CEP63: variants seen among roughly 807,000 people sequenced by gnomAD.
The protein encoded by CEP63 is centrosomal protein of 63 kDa.
CEP63 carries 84 observed loss-of-function variants against 89.1 expected under a neutral mutation model. The ratio of observed to expected loss-of-function variants is 0.94; its 90% CI spans 0.79 to 1.13. The LOEUF (loss-of-function observed/expected upper bound fraction) is 1.13. Among genes scored for constraint, CEP63 ranks in the 50% most tolerant of loss-of-function variants. The pLI, the probability that CEP63 is intolerant of heterozygous loss-of-function variation, is 0.00. For missense variants in CEP63, 838 were observed against 813.3 expected (o/e 1.03, Z -0.37); for synonymous variants, 267 against 272.5 (o/e 0.98, Z 0.20).
chr3:134,628,011 G>A, the CEP63 span: 21 of 606,562 alleles, frequency 3.5e-5, no homozygotes, highest in African/African-American at 3.3e-4. Context: ...TGTGGCAGAA[G>A]GAAGACTAAG....
chr3:134,512,949 G>A (rs1046000608), intron 3 of CEP63, among the ~76,000 whole-genome samples: 3 of 151,972 alleles, frequency 2.0e-5, no homozygotes, highest in Non-Finnish European at 2.9e-5. Flanking sequence ...ACTTTCATTT[G>A]GTTTTTTAAA....
the CEP63 span, chr3:134,627,782 C>T: frequency 1.1e-5 from 18 of 1,613,748 alleles, no homozygotes; most frequent in Middle Eastern, 1.6e-4. Flanking sequence ...TCCAGGTTGC[C>T]GGGGTCTTGT....
At chr3:134,739,740 A>G in the CEP63 span, among the ~76,000 whole-genome samples, 3 of 152,064 alleles carry the variant, frequency 2.0e-5, no homozygotes, top group African/African-American at 7.2e-5. Flanking sequence ...GCATAGCAAA[A>G]TTGATTCATG....
chr3:134,607,524 G>C, the CEP63 span: 1 of 985,714 alleles, frequency 1.0e-6, no homozygotes, highest in Non-Finnish European at 1.2e-6. Flanking sequence ...GTCCTTTGCT[G>C]AGGTGTGGGA....
chr3:134,493,614 A>C (rs76674648), intron 1 of CEP63, among the ~76,000 whole-genome samples: 2,478 of 152,208 alleles, frequency 0.016, 58 homozygotes, highest in African/African-American at 0.055. Flanking sequence ...AATAGATGCA[A>C]ATAAGGTGCA....
the CEP63 span, among the ~76,000 whole-genome samples, chr3:134,678,282 T>G: frequency 6.6e-6 from 1 of 152,242 alleles, no homozygotes; most frequent in Admixed American, 6.5e-5. Context: ...AGGTGACAAC[T>G]TCTTGGAAAT....
intron 3 of CEP63, among the ~76,000 whole-genome samples, chr3:134,520,370 A>G (rs1947183820): frequency 6.6e-6 from 1 of 152,204 alleles, no homozygotes; most frequent in Non-Finnish European, 1.5e-5. Flanking sequence ...AAAGAGGTAT[A>G]AGACCTCTGC....
chr3:134,559,265 A>T lies in CEP63; in HGVS notation c.1789A>T (p.Ser597Cys). 1 of 1,614,162 alleles carries T rather than the reference A, an allele frequency of 6.2e-7. No individual in the cohort carries two copies. The highest frequency in any genetic ancestry group is 8.5e-7 in the Non-Finnish European group (1 of 1,180,010). ...TATAAACCCCATGTCTAGGGTGCTA[A>T]GCCCCCTGAGTCCTCAAATCAGCCC... The part of the protein sequence containing the change: ...DSINPMSRVL[S>C]PLSPQISPCS... The change falls in exon 14 of 15, where the codon AGC (serine) becomes TGC (cysteine). Residue 597 changes from serine to cysteine, a missense_variant. Coordinates refer to ENST00000675561, the MANE Select transcript of CEP63 (RefSeq NM_001353108.3).
intron 12 of CEP63, among the ~76,000 whole-genome samples, chr3:134,556,952 T>G (rs1956296049): frequency 6.6e-6 from 1 of 152,200 alleles, no homozygotes; most frequent in Admixed American, 6.5e-5. Flanking sequence ...GTCAGCAGTT[T>G]AAGCTTTCTC....
intron 6 of CEP63, among the ~76,000 whole-genome samples, chr3:134,537,488 C>G (rs1950996789): frequency 6.6e-6 from 1 of 152,148 alleles, no homozygotes; most frequent in South Asian, 2.1e-4. Context: ...AGGCTCATGT[C>G]CTTGTGCCCG....
Position 134,547,344 on chromosome 3 carries a change from A to G in CEP63, c.939A>G (p.Glu313=), listed in dbSNP as rs372300221. ...CTATGTCTTTCCATAGGCCACGGGA[A>G]GAATCTCTGGCAGAAAAGAAGTACA... ...QHAVEAIRPR[E]ESLAEKKYTS... Residue 313 remains glutamate (E), a synonymous_variant, in exon 9 of 15, where the codon GAA becomes GAG. Transcript: ENST00000675561. 4 of 1,613,590 alleles carry G rather than the reference A, an allele frequency of 2.5e-6. No individual in the cohort carries two copies. The East Asian group carries it at 6.7e-5, about 27-fold the overall frequency.
chr3:134,574,776 T>G, intron 11 of CEP63: 1 of 603,424 alleles, frequency 1.7e-6, no homozygotes, highest in South Asian at 1.9e-5. Context: ...GCTAATTTTT[T>G]ATATTTTTTT....
chr3:134,748,115 T>TG, the CEP63 span, among the ~76,000 whole-genome samples: 3 of 152,142 alleles, frequency 2.0e-5, no homozygotes, highest in African/African-American at 7.2e-5. Flanking sequence ...GATAGTTCAG[T>TG]GGGGGTAGGG....
intron 2 of CEP63, among the ~76,000 whole-genome samples, chr3:134,499,054 A>G (rs1941114041): frequency 1.3e-5 from 2 of 152,142 alleles, no homozygotes; most frequent in African/African-American, 4.8e-5. Context: ...GGCCTTGTAG[A>G]ATGAGTTAGG....
the CEP63 span, among the ~76,000 whole-genome samples, chr3:134,659,218 C>T: frequency 2.0e-5 from 3 of 152,160 alleles, no homozygotes; most frequent in Admixed American, 6.5e-5. Flanking sequence ...CACATGAGAG[C>T]GCATGGAGAG....
intron 3 of CEP63, among the ~76,000 whole-genome samples, chr3:134,508,366 T>C (rs779964087): frequency 6.6e-6 from 1 of 152,184 alleles, no homozygotes; most frequent in Non-Finnish European, 1.5e-5. Context: ...TTACACACCA[T>C]GCGAAAATAC....
In CEP63 at chr3:134,558,238, A is replaced by C. The variant is rs1340351034; in HGVS notation, c.1564A>C (p.Asn522His). Residue 522 changes from asparagine (N) to histidine (H), a missense_variant, in exon 13 of 15, where the codon AAT (asparagine) becomes CAT (histidine). Physicochemically the swap from Asn to His is moderately conservative, Grantham distance 68 (BLOSUM62 1). Coordinates refer to ENST00000675561, the MANE Select transcript of CEP63 (RefSeq NM_001353108.3). The part of the protein sequence containing the change: ...ENQQLQKDLM[N>H]TKSQLEISTQ... ...TCAACAACTACAGAAAGATTTGATG[A>C]ATACCAAATCTCAGCTGGAGATTTC... The C allele has an allele frequency of 1.5e-5, 24 of 1,611,724 alleles. No homozygotes were observed. Among genetic ancestry groups the C allele is most frequent in the Non-Finnish European group, 2.0e-5 (24 of 1,177,954 alleles).
chr3:134,688,664 T>C, the CEP63 span, among the ~76,000 whole-genome samples: 1 of 152,228 alleles, frequency 6.6e-6, no homozygotes, highest in African/African-American at 2.4e-5. Flanking sequence ...TGAGATAATC[T>C]GGGTGCTGTT....
the CEP63 span, chr3:134,604,213 G>C: frequency 6.2e-7 from 1 of 1,613,168 alleles, no homozygotes; most frequent in Non-Finnish European, 8.5e-7. Context: ...GGGGCCCACG[G>C]GCTGGTGAAG....
Sources: allele counts gnomAD v4.1 joint callset (sites outside exome capture counted in the v4.1 genomes callset), GRCh38; gene constraint gnomAD v4.1.1; transcripts MANE v1.5; gene names NCBI Gene and HGNC (gene_info 2026-07-23, HGNC 2026-07-21).